Variants in ANKRD36B observed in about 807,000 individuals in gnomAD.
ANKRD36B encodes ankyrin repeat domain-containing protein 36B.
ANKRD36B carries 37 observed loss-of-function variants against 135.7 expected under a neutral mutation model. That is an observed-to-expected ratio of 0.27 (90% CI 0.21 to 0.36). The LOEUF is 0.36. Ranked by LOEUF, ANKRD36B falls within the 10% of genes least tolerant of loss-of-function variation. ANKRD36B has a pLI of 1.00. For missense variants in ANKRD36B, 549 were observed against 1,037.1 expected, an observed-to-expected ratio of 0.53 and a Z score of 6.46; for synonymous variants, 179 against 348.1, an observed-to-expected ratio of 0.51 and a Z score of 5.41.
chr2:97,568,457 C>G (rs564034861), intron 6 of ANKRD36B, among the ~76,000 whole-genome samples: 1 of 152,268 alleles, frequency 6.6e-6, no homozygotes, highest in African/African-American at 2.4e-5. Context: ...AGATCAGTGT[C>G]CTTACTCTCA....
At chr2:97,558,742 G>A (rs2104748911) in intron 10 of ANKRD36B, 57 bp downstream of exon 10, 1 of 1,604,878 alleles carries the variant, frequency 6.2e-7, no homozygotes. Context: ...ATTCGGGGAA[G>A]AGAAGTACTT....
intron 6 of ANKRD36B, among the ~76,000 whole-genome samples, chr2:97,569,567 T>C (rs1323449324): frequency 6.6e-6 from 1 of 151,688 alleles, no homozygotes; most frequent in African/African-American, 2.4e-5. Flanking sequence ...ATGATTATGA[T>C]GCATCAATGT....
chr2:97,560,304 A>C (rs1163530597), intron 8 of ANKRD36B, among the ~76,000 whole-genome samples: 7 of 151,918 alleles, frequency 4.6e-5, no homozygotes, highest in Non-Finnish European at 7.4e-5. Context: ...TGTTGATAAC[A>C]ATATGATATG....
At chr2:97,579,103 A>G in intron 4 of ANKRD36B, 60 bp from the exon 5 acceptor site, 1 of 1,444,732 alleles carries the variant, frequency 6.9e-7, no homozygotes, top group Non-Finnish European at 9.4e-7. Flanking sequence ...AAGTTTATAT[A>G]CTTTATCAAC....
In ANKRD36B at chr2:97,524,219, C is replaced by T. The variant is rs533799603; in HGVS notation, c.2266-752G>A. 112 of 90,566 alleles carry T rather than the reference C, an allele frequency of 1.2e-3. 29 individuals are homozygous for T. The highest frequency in any genetic ancestry group is 3.6e-3 in the African/African-American group (108 of 30,288). 5.6% of individuals were successfully genotyped at this position (90,566 alleles called of 1,614,324 possible). The stretch of plus-strand genomic sequence containing the variant: ...AATCACATGCTTCATTTCTTTGGAG[C>T]AGGTAAGCCACATACCTAAAAGGCT... On this transcript the variant is annotated intron_variant, in intron 35 of 43. Coordinates refer to ENST00000359901, the MANE Select transcript of ANKRD36B (RefSeq NM_001393939.1).
At chr2:97,561,747 T>C (rs940526353) in intron 6 of ANKRD36B, among the ~76,000 whole-genome samples, 2 of 151,962 alleles carry the variant, frequency 1.3e-5, no homozygotes, top group African/African-American at 4.8e-5. Flanking sequence ...CTCTAGAGAA[T>C]TTTTATTAAG....
chr2:97,578,868 A>G (rs1227169759), intron 5 of ANKRD36B, 38 bp downstream of exon 5: 8 of 1,595,292 alleles, frequency 5.0e-6, no homozygotes, highest in Non-Finnish European at 6.8e-6. Context: ...TTTAAACTTC[A>G]ATTTAGTGTT....
At chr2:97,508,722 C>G (rs2104270534) in intron 40 of ANKRD36B, among the ~76,000 whole-genome samples, 1 of 107,328 alleles carries the variant, frequency 9.3e-6, no homozygotes, top group South Asian at 2.2e-4. Flanking sequence ...TAAGATCCTA[C>G]AGGATCTTAT....
intron 20 of ANKRD36B, among the ~76,000 whole-genome samples, chr2:97,548,630 G>A (rs2079728259): frequency 6.6e-6 from 1 of 152,008 alleles, no homozygotes; most frequent in South Asian, 2.1e-4. Context: ...TCATGAAATA[G>A]CTATTGTATC....
intron 20 of ANKRD36B, among the ~76,000 whole-genome samples, 188 bp downstream of exon 20, chr2:97,549,231 G>T (rs983338403): frequency 1.5e-5 from 2 of 137,332 alleles, no homozygotes; most frequent in Admixed American, 1.5e-4. Flanking sequence ...TACAGCGAAG[G>T]TCATGTTCCA....
chr2:97,559,275 G>C (rs373560214), intron 8 of ANKRD36B, among the ~76,000 whole-genome samples: 1 of 151,796 alleles, frequency 6.6e-6, no homozygotes, highest in Admixed American at 6.6e-5. Context: ...TGGATATGCC[G>C]AGTGATGAGG....
At position 97,496,833 on chromosome 2, in the gene ANKRD36B, G is replaced by GTATATATATATATATATATA. The variant is rs56775263; in HGVS notation, c.*7-3998_*7-3979dup. Among the ~76,000 whole-genome samples the GTATATATATATATATATATA allele has an allele frequency of 1.9e-4, 12 of 62,074 alleles. 1 individual carries two copies. Among genetic ancestry groups the GTATATATATATATATATATA allele is most frequent in the African/African-American group, 9.7e-4 (11 of 11,390 alleles). The allele number at this position is 62,074 out of a possible 152,430, so 40.7% of individuals were successfully genotyped here. A position where few individuals can be genotyped will look rare whatever the true frequency, so the allele number is the denominator to read the frequency against. ...TGTGTGTGTATGTATATATGTGTGT[G>GTATATATATATATATATATA]TATATATATATATATATATATATAT... On this transcript the variant is annotated intron_variant, in intron 43 of 43. Coordinates refer to ENST00000359901, the MANE Select transcript of ANKRD36B (RefSeq NM_001393939.1).
intron 18 of ANKRD36B, 111 bp from the exon 19 acceptor site, chr2:97,549,725 G>C: frequency 6.4e-7 from 1 of 1,552,206 alleles, no homozygotes; most frequent in Non-Finnish European, 8.7e-7. Flanking sequence ...ATTAGCGTAG[G>C]CTTTGATGGC....
Position 97,580,571 on chromosome 2 carries a change from G to A in ANKRD36B, c.451-3C>T. 1.3e-6 allele frequency: 2 copies of A among 1,537,916 alleles called. No individual in the cohort carries two copies. The highest frequency in any genetic ancestry group is 1.2e-5 in the South Asian group (1 of 81,902). On this transcript the variant is annotated splice_region_variant and splice_polypyrimidine_tract_variant and intron_variant, in intron 3 of 43. Coordinates refer to ENST00000359901, the MANE Select transcript of ANKRD36B (RefSeq NM_001393939.1). ...AGTAACAGTGGCTGATATTCATTCT[G>A]TAAAATAACAGCAACAATTTATAAT... is the stretch of plus-strand genomic sequence containing the variant.
At chr2:97,575,660 C>T (rs1305743225) in intron 6 of ANKRD36B, among the ~76,000 whole-genome samples, 1 of 146,654 alleles carries the variant, frequency 6.8e-6, no homozygotes, top group East Asian at 2.0e-4. Flanking sequence ...TCCCTATCAA[C>T]TATTATTGTT....
intron 38 of ANKRD36B, among the ~76,000 whole-genome samples, chr2:97,512,293 A>AT (rs1188390962): frequency 1.1e-5 from 1 of 89,062 alleles, no homozygotes; most frequent in African/African-American, 3.4e-5. Context: ...CCACTAGATA[A>AT]TTTTTTTAAA....
At chr2:97,551,592 T>C (rs1972985) in intron 16 of ANKRD36B, 112 bp from the exon 17 acceptor site, 933,775 of 1,523,098 alleles carry the variant, frequency 0.61, 300,508 homozygotes, top group Non-Finnish European at 0.67. Flanking sequence ...TTAGCGTAGG[T>C]TTTGATGGCT....
intron 43 of ANKRD36B, among the ~76,000 whole-genome samples, chr2:97,494,560 A>G (rs2077283497): frequency 9.3e-6 from 1 of 107,156 alleles, no homozygotes; most frequent in South Asian, 2.2e-4. Context: ...AACACCTCCC[A>G]CTAGGTCCCA....
In ANKRD36B at chr2:97,528,946, T is replaced by A. The variant is rs567928172; in HGVS notation, c.2265+3365A>T. On this transcript the variant is annotated intron_variant, in intron 35 of 43. Coordinates refer to ENST00000359901, the MANE Select transcript of ANKRD36B (RefSeq NM_001393939.1). Reference sequence around the variant, plus strand: ...CAACCAAAAAGAGTCCAGGACCAGATGGATTCACAGTCGCATTCTACCAGA... The same window carrying A: ...CAACCAAAAAGAGTCCAGGACCAGAAGGATTCACAGTCGCATTCTACCAGA... Among the ~76,000 whole-genome samples the A allele has an allele frequency of 4.1e-4, 39 of 96,016 alleles. 5 individuals are homozygous for A. Among genetic ancestry groups the A allele is most frequent in the African/African-American group, 1.2e-3 (39 of 32,074 alleles). 63.0% of individuals were successfully genotyped at this position (96,016 alleles called of 152,430 possible).
Sources: allele counts gnomAD v4.1 joint callset (sites outside exome capture counted in the v4.1 genomes callset), GRCh38; gene constraint gnomAD v4.1.1; transcripts MANE v1.5; gene names NCBI Gene and HGNC (gene_info 2026-07-23, HGNC 2026-07-21).